COL8A2: variants seen among roughly 807,000 people sequenced by gnomAD.
COL8A2 encodes collagen type VIII alpha 2 chain.
A neutral mutation model predicts 24.0 loss-of-function variants in COL8A2; 16 were observed. The observed-to-expected ratio is 0.67, with a 90% CI of 0.45 to 1.01. The LOEUF (loss-of-function observed/expected upper bound fraction) is 1.01. COL8A2 is among the 50% of genes least tolerant of loss of function. The pLI, the probability that COL8A2 is intolerant of heterozygous loss-of-function variation, is 0.00. For missense variants in COL8A2, 818 were observed against 942.4 expected, an observed-to-expected ratio of 0.87 and a Z score of 1.73; for synonymous variants, 466 against 424.5, an observed-to-expected ratio of 1.10 and a Z score of -1.20.
chr1:36,120,083 T>C (rs1570058755), intron 1 of COL8A2, among the ~76,000 whole-genome samples: 1 of 152,148 alleles, frequency 6.6e-6, no homozygotes, highest in Non-Finnish European at 1.5e-5. Context: ...CCCTCACGGT[T>C]CTGGGCTCTC....
rs1643930778 is a variant in COL8A2 at position 36,123,664 on chromosome 1, G to T, written c.-62+1393C>A. 6.6e-6 allele frequency among the ~76,000 whole-genome samples: 1 copy of T among 152,142 alleles called. No individual in the cohort carries two copies. The highest frequency in any genetic ancestry group is 2.1e-4 in the South Asian group (1 of 4,834). ...CATGTGTCCGCCTGTGTCTTGTGGT[G>T]GTGTATGTTTCATTAGAGGAGGGTG... On this transcript the variant is annotated intron_variant, in intron 1 of 3. Coordinates refer to ENST00000397799, the MANE Select transcript of COL8A2 (RefSeq NM_005202.4). The surrounding 1 kb of genome is among the most constrained non-coding windows in gnomAD (Gnocchi z 4.1).
Position 36,099,963 on chromosome 1 carries a change from C to T in COL8A2, c.193+87G>A, listed in dbSNP as rs935973852. 3.1e-5 allele frequency: 39 copies of T among 1,267,806 alleles called. No individual in the cohort carries two copies. In the Admixed American group the frequency reaches 5.0e-4, roughly 16 times the overall value. 78.5% of individuals were successfully genotyped at this position (1,267,806 alleles called of 1,614,324 possible). A position where few individuals can be genotyped will look rare whatever the true frequency, so the allele number is the denominator to read the frequency against. On this transcript the variant is annotated intron_variant, in intron 3 of 3. Transcript: ENST00000397799. Reference sequence around the variant, plus strand: ...GTGGGGAATGAGGAGCTGTGGAGGGCGCCTGAGGATCTGATGGCTCTCAGG... The same window carrying T: ...GTGGGGAATGAGGAGCTGTGGAGGGTGCCTGAGGATCTGATGGCTCTCAGG...
At position 36,097,052 on chromosome 1, in the gene COL8A2, C is replaced by T. The variant is rs898223976; in HGVS notation, c.*517G>A. 6 of 162,336 alleles carry T rather than the reference C, an allele frequency of 3.7e-5. No individual in the cohort carries two copies. Among genetic ancestry groups the T allele is most frequent in the African/African-American group, 1.2e-4 (5 of 41,552 alleles). The allele number at this position is 162,336 out of a possible 1,614,324, so 10.1% of individuals were successfully genotyped here. A position where few individuals can be genotyped will look rare whatever the true frequency, so the allele number is the denominator to read the frequency against. ...GCAGTCCTGGCAGGGTGTCCACACT[C>T]GCCACCTCGATGGTCCCCTCTTCTC... On this transcript the variant is annotated 3_prime_UTR_variant, in exon 4 of 4. Coordinates refer to ENST00000397799, the MANE Select transcript of COL8A2 (RefSeq NM_005202.4).
intron 1 of COL8A2, among the ~76,000 whole-genome samples, chr1:36,120,229 G>A (rs866168079): frequency 6.6e-6 from 1 of 152,144 alleles, no homozygotes; most frequent in Admixed American, 6.6e-5. Flanking sequence ...TCAGGCGGGC[G>A]GATCACTTGA....
chr1:36,097,647 C>T lies in COL8A2; in HGVS notation c.2034G>A (p.Pro678=), dbSNP rs767141059. The T allele has an allele frequency of 2.2e-5, 35 of 1,613,490 alleles. No homozygotes were observed. The Admixed American group carries it at 3.8e-4, about 18-fold the overall frequency. ...AGTAGAGGCCGTTGGCCTGGTCCGA[C>T]GGCATCTGCACCCAGACCTGGTCGT... ...RPNDQVWVQM[P]SDQANGLYST... Residue 678 remains proline, a synonymous_variant, in exon 4 of 4, where the codon CCG becomes CCA. Coordinates refer to ENST00000397799, the MANE Select transcript of COL8A2 (RefSeq NM_005202.4).
In COL8A2 at chr1:36,097,579, C is replaced by A. The variant is rs1162681078; in HGVS notation, c.2102G>T (p.Cys701Phe). Residue 701 changes from cysteine to phenylalanine, a missense_variant, in exon 4 of 4, where the codon TGC becomes TTC. Cys to Phe is a radical substitution (Grantham distance 205). Coordinates refer to ENST00000397799, the MANE Select transcript of COL8A2 (RefSeq NM_005202.4). ...IHSSFSGFLL[C>F]PT ...GACCCCCCCCGCGGGTTATGTGGGG[C>A]AGAGCAAGAATCCTGAAAAGGAGGA... The A allele has an allele frequency of 6.2e-7, 1 of 1,607,150 alleles. No homozygotes were observed. Among genetic ancestry groups the A allele is most frequent in the Non-Finnish European group, 8.5e-7 (1 of 1,175,896 alleles).
chr1:36,098,347 CCCAGGGCTCCTGCCACCCCTGGTCCT>C lies in COL8A2; in HGVS notation c.1308_1333del (p.Gly437AlafsTer4). On this transcript the variant is annotated frameshift_variant, in exon 4 of 4. Transcript: ENST00000397799. LOFTEE classifies it high-confidence loss of function. The stretch of plus-strand genomic sequence containing the variant: ...AGGGAGCCCCAAGTCACCTTTCTGC[CCCAGGGCTCCTGCCACCCCTGGTCCT>C]CCAGGGCGACCCGTGAAACCCGGCT... 6.4e-7 allele frequency: 1 copy of C among 1,551,090 alleles called. No homozygotes were observed. The highest frequency in any genetic ancestry group is 1.2e-5 in the South Asian group (1 of 84,192).
At chr1:36,112,110 T>A (rs999507116) in intron 2 of COL8A2, among the ~76,000 whole-genome samples, 3 of 151,790 alleles carry the variant, frequency 2.0e-5, no homozygotes, top group African/African-American at 7.3e-5. Flanking sequence ...TTCACGCCAT[T>A]CTCCTGCCTC....
chr1:36,104,406 C>T (rs1035594314), intron 2 of COL8A2, among the ~76,000 whole-genome samples: 2 of 150,228 alleles, frequency 1.3e-5, no homozygotes, highest in Non-Finnish European at 3.0e-5. Context: ...GCAGGAGAAT[C>T]GCTTGAACCA....
Position 36,125,073 on chromosome 1 carries a change from C to T in COL8A2, c.-78G>A, listed in dbSNP as rs553522752. On this transcript the variant is annotated 5_prime_UTR_variant, in exon 1 of 4. Transcript: ENST00000397799. This position sits in a 1 kb window ranked among gnomAD's most constrained non-coding sequence, Gnocchi z 4.5. ...GGCCTTTACCTGCGGGCGCGGCCGC[C>T]GGGCGCCGCTCCCGGCCCTCGAGGG... 6.1e-6 allele frequency: 6 copies of T among 981,130 alleles called. No homozygotes were observed. The East Asian group carries it at 6.8e-4, about 112-fold the overall frequency. 60.8% of individuals were successfully genotyped at this position (981,130 alleles called of 1,614,324 possible).
chr1:36,110,454 G>A (rs1372137863), intron 2 of COL8A2, among the ~76,000 whole-genome samples: 2 of 151,976 alleles, frequency 1.3e-5, no homozygotes, highest in Non-Finnish European at 1.5e-5. Flanking sequence ...CCAAAGGTCA[G>A]GATCTTGTAA....
chr1:36,102,664 G>GTTTTTTTTTTTTTTTT (rs201487516), intron 2 of COL8A2, among the ~76,000 whole-genome samples: 1 of 94,780 alleles, frequency 1.1e-5, no homozygotes, highest in Non-Finnish European at 2.0e-5. Context: ...TATAAAGCTG[G>GTTTTTTTTTTTTTTTT]TTTTTTGTTT....
chr1:36,120,468 G>A (rs1180976312), intron 1 of COL8A2, among the ~76,000 whole-genome samples: 1 of 151,138 alleles, frequency 6.6e-6, no homozygotes, highest in Non-Finnish European at 1.5e-5. Flanking sequence ...AATAAAAAGA[G>A]GACGGGCACA....
In COL8A2 at chr1:36,115,418, G is replaced by A. The variant is rs753884994; in HGVS notation, c.-17+290C>T. On this transcript the variant is annotated intron_variant, in intron 2 of 3. Coordinates refer to ENST00000397799, the MANE Select transcript of COL8A2 (RefSeq NM_005202.4). The surrounding 1 kb of genome is among the most constrained non-coding windows in gnomAD (Gnocchi z 5.7). ...GGGCTGGGCAGGGAGGGGGCCTGGC[G>A]GGAGCACAGCCAGGCCACTGCACCC... 9.9e-5 allele frequency among the ~76,000 whole-genome samples: 15 copies of A among 152,096 alleles called. No individual in the cohort carries two copies. Among genetic ancestry groups the A allele is most frequent in the Admixed American group, 2.6e-4 (4 of 15,276 alleles).
At chr1:36,106,761 G>A (rs1304254330) in intron 2 of COL8A2, among the ~76,000 whole-genome samples, 3 of 152,150 alleles carry the variant, frequency 2.0e-5, no homozygotes, top group Non-Finnish European at 2.9e-5. Context: ...CGGCACCCCC[G>A]CAAGCTGCCC....
Position 36,097,933 on chromosome 1 carries a change from G to A in COL8A2, c.1748C>T (p.Ser583Leu), listed in dbSNP as rs147063250. 131 of 1,610,798 alleles carry A rather than the reference G, an allele frequency of 8.1e-5. No individual in the cohort carries two copies. The highest frequency in any genetic ancestry group is 1.0e-4 in the Non-Finnish European group (123 of 1,179,688). ...GGGCATGCCCGAGGCGGGGAAGGGC[G>A]AGGTGAGCACCGCAGTGAAGGCCGG... The part of the protein sequence containing the change: ...ATPAFTAVLT[S>L]PFPASGMPVK... Residue 583 changes from serine (S) to leucine (L), a missense_variant, in exon 4 of 4, where the codon TCG (serine) becomes TTG (leucine). Physicochemically the swap from Ser to Leu is moderately radical, Grantham distance 145. Around this residue, in one of 3 missense-constraint regions of COL8A2, gnomAD observed 235 missense variants for 297.3 expected, o/e 0.79. Coordinates refer to ENST00000397799, the MANE Select transcript of COL8A2 (RefSeq NM_005202.4).
chr1:36,100,527 C>A (rs949041477), intron 2 of COL8A2, among the ~76,000 whole-genome samples: 6 of 152,132 alleles, frequency 3.9e-5, no homozygotes, highest in Non-Finnish European at 7.3e-5. Context: ...GGACAGCAGC[C>A]TCCTCAAAAC....
Position 36,098,366 on chromosome 1 carries a change from C to G in COL8A2, c.1315G>C (p.Gly439Arg). Reference sequence around the variant, plus strand: ...TTCTGCCCCAGGGCTCCTGCCACCCCTGGTCCTCCAGGGCGACCCGTGAAA... The same window carrying G: ...TTCTGCCCCAGGGCTCCTGCCACCCGTGGTCCTCCAGGGCGACCCGTGAAA... Reference protein sequence around the residue: ...PGFTGRPGGPGVAGALGQKGD... With the variant: ...PGFTGRPGGPRVAGALGQKGD... The change falls in exon 4 of 4, where the codon GGG becomes CGG. Residue 439 changes from glycine (G) to arginine (R), a missense_variant. Transcript: ENST00000397799. The G allele has an allele frequency of 1.3e-6, 2 of 1,552,834 alleles. No individual in the cohort carries two copies. The highest frequency in any genetic ancestry group is 1.2e-5 in the South Asian group (1 of 84,294).
At position 36,097,405 on chromosome 1, in the gene COL8A2, TCTC is replaced by T. The variant is rs1457127024; in HGVS notation, c.*161_*163del. The T allele has an allele frequency of 7.6e-6, 5 of 653,878 alleles. No individual in the cohort carries two copies. The highest frequency in any genetic ancestry group is 2.7e-5 in the Admixed American group (1 of 37,344). The allele number at this position is 653,878 out of a possible 1,614,324, so 40.5% of individuals were successfully genotyped here. A position where few individuals can be genotyped will look rare whatever the true frequency, so the allele number is the denominator to read the frequency against. On this transcript the variant is annotated 3_prime_UTR_variant, in exon 4 of 4. Coordinates refer to ENST00000397799, the MANE Select transcript of COL8A2 (RefSeq NM_005202.4). The stretch of plus-strand genomic sequence containing the variant: ...TCAGGCCAGCCCCTTCCAGAAACAA[TCTC>T]AGCCTGCATGCAGGGAGAAAGCAAG...
Sources: allele counts gnomAD v4.1 joint callset (sites outside exome capture counted in the v4.1 genomes callset), GRCh38; gene constraint gnomAD v4.1.1; regional missense constraint gnomAD v4.1.1; non-coding constraint Gnocchi (gnomAD v3.1); transcripts MANE v1.5; gene names NCBI Gene and HGNC (gene_info 2026-07-23, HGNC 2026-07-21).